The following RBM47 variants were observed in gnomAD, a reference collection of about 807,000 sequenced individuals.
RBM47 encodes RNA-binding protein 47.
Under a neutral mutation model 47.1 loss-of-function variants are expected in RBM47, and 21 were observed. The observed-to-expected ratio is 0.45, with a 90% CI of 0.32 to 0.64. The LOEUF is 0.64. Among genes scored for constraint, RBM47 ranks in the 30% least tolerant of loss-of-function variants. The pLI, the probability that RBM47 is intolerant of heterozygous loss-of-function variation, is 0.05. For missense variants in RBM47, 708 were observed against 870.9 expected (o/e 0.81, Z 2.35); for synonymous variants, 375 against 361.7 (o/e 1.04, Z -0.42).
intron 1 of RBM47, among the ~76,000 whole-genome samples, chr4:40,576,256 T>TTG (rs1553903893): frequency 8.5e-6 from 1 of 117,784 alleles, no homozygotes; most frequent in Non-Finnish European, 1.7e-5. Context: ...TTTTTTTTTT[T>TTG]GGGGGGGGGC....
chr4:40,459,578 A>T (rs1716792220), intron 3 of RBM47, among the ~76,000 whole-genome samples: 1 of 152,124 alleles, frequency 6.6e-6, no homozygotes, highest in South Asian at 2.1e-4. Context: ...AAAAAAATTA[A>T]TAATAAAAAT....
At chr4:40,494,203 G>A (rs760341281) in intron 2 of RBM47, among the ~76,000 whole-genome samples, 1 of 152,062 alleles carries the variant, frequency 6.6e-6, no homozygotes, top group Non-Finnish European at 1.5e-5. Flanking sequence ...TATAATACAC[G>A]GCAGAATGGC....
rs182263444 is a variant in RBM47, at chr4:40,624,821, A to C, written c.-240+4575T>G. 2.0e-3 allele frequency among the ~76,000 whole-genome samples: 308 copies of C among 151,916 alleles called. 2 individuals are homozygous for C. Among genetic ancestry groups the C allele is most frequent in the Non-Finnish European group, 2.5e-3 (169 of 67,918 alleles). ...TTTTTTAATCAAATGACAACACACA[A>C]AAAGAAATATTATTTAAGCCATCTT... On this transcript the variant is annotated intron_variant, in intron 1 of 6. Coordinates refer to ENST00000295971, the MANE Select transcript of RBM47 (RefSeq NM_001098634.2).
chr4:40,555,654 C>T (rs148311037), intron 1 of RBM47, among the ~76,000 whole-genome samples: 41 of 152,354 alleles, frequency 2.7e-4, no homozygotes, highest in African/African-American at 9.6e-4. Context: ...TAACTGGCAA[C>T]GCTAGGACTG....
At chr4:40,627,977 T>C (rs1737893946) in intron 1 of RBM47, among the ~76,000 whole-genome samples, 1 of 152,238 alleles carries the variant, frequency 6.6e-6, no homozygotes, top group South Asian at 2.1e-4. Context: ...AATAAATCTT[T>C]AATAATTGAT....
rs1339275808 is a variant in RBM47 at position 40,529,872 on chromosome 4, A to ATAAG, written c.-155+14549_-155+14550insCTTA. On this transcript the variant is annotated intron_variant, in intron 2 of 6. Transcript: ENST00000295971. ...AATAAATAAATAAATAAATAAATAA[A>ATAAG]TAAATATTAAAATAAAAGTAAATAA... Among the ~76,000 whole-genome samples the ATAAG allele has an allele frequency of 5.8e-3, 852 of 146,794 alleles. 10 individuals are homozygous for ATAAG. The highest frequency in any genetic ancestry group is 0.02 in the African/African-American group (808 of 40,094).
In RBM47 at chr4:40,425,876, T is replaced by TG; in HGVS notation, c.*27dup. On this transcript the variant is annotated 3_prime_UTR_variant, in exon 7 of 7. Coordinates refer to ENST00000295971, the MANE Select transcript of RBM47 (RefSeq NM_001098634.2). Reference sequence around the variant, plus strand: ...AAGCGTTCCTTCAGTGGTGTTTGTGTGGTCTGTCTTCGTGCTGGTCACCAG... The same window carrying TG: ...AAGCGTTCCTTCAGTGGTGTTTGTGTGGGTCTGTCTTCGTGCTGGTCACCAG... 1 of 1,606,066 alleles carries TG rather than the reference T, an allele frequency of 6.2e-7. No homozygotes were observed. The highest frequency in any genetic ancestry group is 8.5e-7 in the Non-Finnish European group (1 of 1,173,620).
intron 3 of RBM47, among the ~76,000 whole-genome samples, chr4:40,463,026 A>G (rs539860611): frequency 1.6e-4 from 24 of 152,368 alleles, no homozygotes; most frequent in African/African-American, 5.3e-4. Flanking sequence ...ACAGTGTAGG[A>G]GAAAATATGT....
chr4:40,551,365 G>T (rs958003565), intron 1 of RBM47, among the ~76,000 whole-genome samples: 6 of 152,100 alleles, frequency 3.9e-5, no homozygotes, highest in Non-Finnish European at 8.8e-5. Flanking sequence ...AAGCAAGCAC[G>T]TCTCAAACAA....
At chr4:40,505,790 G>A (rs1022631673) in intron 2 of RBM47, among the ~76,000 whole-genome samples, 38 of 151,856 alleles carry the variant, frequency 2.5e-4, no homozygotes, top group African/African-American at 8.0e-4. Context: ...TACTCAGAAG[G>A]CTGAGACACG....
At chr4:40,512,754 G>T in intron 2 of RBM47, among the ~76,000 whole-genome samples, 1 of 151,142 alleles carries the variant, frequency 6.6e-6, no homozygotes, top group East Asian at 1.9e-4. Context: ...GAAAAAAAAG[G>T]AAAGAAAAGA....
intron 1 of RBM47, among the ~76,000 whole-genome samples, chr4:40,552,355 G>C (rs534178626): frequency 1.5e-4 from 23 of 151,786 alleles, no homozygotes; most frequent in Non-Finnish European, 2.8e-4. Flanking sequence ...CTGAGATCCC[G>C]CCACTGTACT....
At chr4:40,624,813 A>G (rs1400351909) in intron 1 of RBM47, among the ~76,000 whole-genome samples, 2 of 152,136 alleles carry the variant, frequency 1.3e-5, no homozygotes, top group African/African-American at 4.8e-5. Context: ...ATCAAATGAC[A>G]ACACACAAAA....
intron 1 of RBM47, among the ~76,000 whole-genome samples, chr4:40,544,814 A>C (rs1313535517): frequency 1.3e-5 from 2 of 152,186 alleles, no homozygotes; most frequent in East Asian, 3.8e-4. Context: ...TCATGCCTGT[A>C]ATCACAGCAC....
intron 3 of RBM47, among the ~76,000 whole-genome samples, chr4:40,439,469 G>A (rs1409126644): frequency 7.2e-5 from 11 of 152,134 alleles, no homozygotes; most frequent in Admixed American, 7.2e-4. Flanking sequence ...CTTTTTACAA[G>A]GAAGAAATGA....
At chr4:40,531,872 G>A (rs1727420120) in intron 2 of RBM47, among the ~76,000 whole-genome samples, 1 of 152,018 alleles carries the variant, frequency 6.6e-6, no homozygotes, top group African/African-American at 2.4e-5. Context: ...GGCCGTGAAA[G>A]ATATCGTTAA....
Position 40,521,650 on chromosome 4 carries a change from T to C in RBM47, c.-155+22772A>G, listed in dbSNP as rs556396294. 1.5e-4 allele frequency among the ~76,000 whole-genome samples: 23 copies of C among 152,364 alleles called. 1 individual carries two copies. The Middle Eastern group carries it at 0.031, about 203-fold the overall frequency. Reference sequence around the variant, plus strand: ...ACTTGAGAGTCACAGGCTACATTACTTGATAAAACAAACTATGATTATTTA... The same window carrying C: ...ACTTGAGAGTCACAGGCTACATTACCTGATAAAACAAACTATGATTATTTA... On this transcript the variant is annotated intron_variant, in intron 2 of 6. Transcript: ENST00000295971.
intron 1 of RBM47, among the ~76,000 whole-genome samples, chr4:40,627,805 G>A (rs1737879730): frequency 6.6e-6 from 1 of 152,108 alleles, no homozygotes; most frequent in Non-Finnish European, 1.5e-5. Context: ...TATCACTACT[G>A]CTTTGGGCAG....
rs567993130 is a variant in RBM47, at chr4:40,571,964, ACTGAG to A, written c.-239-27463_-239-27459del. Among the ~76,000 whole-genome samples, 302 of 150,666 alleles carry A rather than the reference ACTGAG, an allele frequency of 2.0e-3. 1 individual carries two copies. Among genetic ancestry groups the A allele is most frequent in the African/African-American group, 7.0e-3 (286 of 41,022 alleles). ...CTTGAACTCGGGAGGCGGAGGTTGCACTGAGCCGAGATTGTACCACTGTACTCCAG... is the reference window on the plus strand; with the variant it reads ...CTTGAACTCGGGAGGCGGAGGTTGCACCGAGATTGTACCACTGTACTCCAG... On this transcript the variant is annotated intron_variant, in intron 1 of 6. Coordinates refer to ENST00000295971, the MANE Select transcript of RBM47 (RefSeq NM_001098634.2).
Sources: allele counts gnomAD v4.1 joint callset (sites outside exome capture counted in the v4.1 genomes callset), GRCh38; gene constraint gnomAD v4.1.1; transcripts MANE v1.5; gene names NCBI Gene and HGNC (gene_info 2026-07-23, HGNC 2026-07-21).